The following DNAH9 variants were observed in gnomAD, a reference collection of about 807,000 sequenced individuals.
DNAH9 encodes the protein DNAH9 variant protein.
DNAH9 carries 345 observed loss-of-function variants against 471.6 expected under a neutral mutation model. That is an observed-to-expected ratio of 0.73 (90% CI 0.67 to 0.80). DNAH9 has a LOEUF of 0.80. Among genes scored for constraint, DNAH9 ranks in the 30% least tolerant of loss-of-function variants. The pLI is 0.00. For synonymous variants in DNAH9, 2,093 were observed against 2,123.6 expected, an observed-to-expected ratio of 0.99 and a Z score of 0.40; for missense variants, 5,407 against 5,609.2, an observed-to-expected ratio of 0.96 and a Z score of 1.15.
At chr17:11,851,322 T>C (rs1971415128) in intron 49 of DNAH9, among the ~76,000 whole-genome samples, 1 of 152,178 alleles carries the variant, frequency 6.6e-6, no homozygotes, top group African/African-American at 2.4e-5. Context: ...TTCACCATGT[T>C]GGCCAGGCTG....
chr17:11,654,813 G>A (rs1235008715), intron 14 of DNAH9, among the ~76,000 whole-genome samples: 1 of 151,892 alleles, frequency 6.6e-6, no homozygotes, highest in East Asian at 1.9e-4. Flanking sequence ...ATAAGAAAAC[G>A]AAGGCACAGA....
chr17:11,712,283 GAAT>G (rs2074881550), intron 26 of DNAH9, among the ~76,000 whole-genome samples: 1 of 149,522 alleles, frequency 6.7e-6, no homozygotes, highest in African/African-American at 2.5e-5. Flanking sequence ...TTTAATTTCT[GAAT>G]AATATTCAAT....
At chr17:11,940,541 C>T (rs1974872029) in intron 66 of DNAH9, among the ~76,000 whole-genome samples, 2 of 152,150 alleles carry the variant, frequency 1.3e-5, no homozygotes, top group Admixed American at 1.3e-4. Context: ...AATCCGATTC[C>T]AGTTTTTGCT....
At position 11,958,907 on chromosome 17, in the gene DNAH9, A is replaced by G. The variant is rs1472440568; in HGVS notation, c.12844-2960A>G. ...AAATGTTAACAAATCAAATCACACAATATAAGAATAAGATAATATATCATG... is the reference window on the plus strand; with the variant it reads ...AAATGTTAACAAATCAAATCACACAGTATAAGAATAAGATAATATATCATG... On this transcript the variant is annotated intron_variant, in intron 67 of 68. Coordinates refer to ENST00000262442, the MANE Select transcript of DNAH9 (RefSeq NM_001372.4). 3.9e-5 allele frequency among the ~76,000 whole-genome samples: 6 copies of G among 152,302 alleles called. No homozygotes were observed. In the East Asian group the frequency reaches 7.7e-4, roughly 20 times the overall value.
chr17:11,727,067 A>C (rs983219881), intron 27 of DNAH9, among the ~76,000 whole-genome samples: 1 of 149,770 alleles, frequency 6.7e-6, no homozygotes, highest in Non-Finnish European at 1.5e-5. Context: ...AAAAAAAAAA[A>C]AAAAAAAAAA....
chr17:11,925,294 C>T (rs558327734), intron 62 of DNAH9: 29 of 431,194 alleles, frequency 6.7e-5, no homozygotes, highest in South Asian at 4.2e-4. Context: ...AAGCCAGTCA[C>T]TCCCATTCTT....
intron 43 of DNAH9, among the ~76,000 whole-genome samples, chr17:11,800,734 T>C (rs1313201670): frequency 6.6e-6 from 1 of 152,194 alleles, no homozygotes; most frequent in African/African-American, 2.4e-5. Flanking sequence ...CTATATTACA[T>C]GACGCCCCTG....
rs372181005 is a variant in DNAH9, at chr17:11,652,521, G to A, written c.2354-240G>A. Among the ~76,000 whole-genome samples the A allele has an allele frequency of 4.6e-3, 705 of 151,732 alleles. 6 individuals carry two copies. Among genetic ancestry groups the A allele is most frequent in the African/African-American group, 0.015 (640 of 41,348 alleles). On this transcript the variant is annotated intron_variant, in intron 13 of 68. Coordinates refer to ENST00000262442, the MANE Select transcript of DNAH9 (RefSeq NM_001372.4). ...AGGATGGTCTCGATCTCCTGACCTC[G>A]TGATCCGCCCACCTCGGCCTCCCAA... is the stretch of plus-strand genomic sequence containing the variant.
chr17:11,790,474 T>C (rs1328929814), intron 41 of DNAH9, among the ~76,000 whole-genome samples: 1 of 152,060 alleles, frequency 6.6e-6, no homozygotes, highest in Non-Finnish European at 1.5e-5. Flanking sequence ...TGTATGACAT[T>C]AGTATGTATG....
At chr17:11,615,757 T>C (rs750187904) in intron 4 of DNAH9, among the ~76,000 whole-genome samples, 6 of 152,216 alleles carry the variant, frequency 3.9e-5, no homozygotes, top group Non-Finnish European at 8.8e-5. Context: ...AGATTGTGAT[T>C]TTTAAAAAGA....
Position 11,880,197 on chromosome 17 carries a change from G to A in DNAH9, c.10598G>A (p.Gly3533Glu), listed in dbSNP as rs1972664013. The A allele has an allele frequency of 6.2e-7, 1 of 1,613,100 alleles. No homozygotes were observed. The highest frequency in any genetic ancestry group is 1.7e-5 in the Admixed American group (1 of 59,988). Residue 3533 changes from glycine to glutamate, a missense_variant, in exon 54 of 69, where the codon GGA becomes GAA. By Grantham distance (98) the Gly-to-Glu change is moderately conservative (BLOSUM62 -2). This residue lies in a region of DNAH9 where 4,636 missense variants were observed against 4,900.3 expected (regional missense o/e 0.95). Coordinates refer to ENST00000262442, the MANE Select transcript of DNAH9 (RefSeq NM_001372.4). ...CTTGGGAGAGAAGTCATTAAAAAAG[G>A]ACGGTAAGACTCAGCTGTGTTGCTG... Reference protein sequence around the residue: ...PLLGREVIKKGRFIKIGDKEC... With the variant: ...PLLGREVIKKERFIKIGDKEC...
intron 67 of DNAH9, among the ~76,000 whole-genome samples, chr17:11,948,551 T>C (rs1975234673): frequency 6.6e-6 from 1 of 152,112 alleles, no homozygotes; most frequent in African/African-American, 2.4e-5. Flanking sequence ...TTTATTCTGA[T>C]GCACTGTGTG....
At chr17:11,770,270 T>C (rs57868673) in intron 38 of DNAH9, among the ~76,000 whole-genome samples, 31,212 of 152,200 alleles carry the variant, frequency 0.21, 4,545 homozygotes, top group African/African-American at 0.41. Flanking sequence ...CCACTTGCTC[T>C]GCCATGACCA....
chr17:11,832,544 A>G (rs1471104867), intron 48 of DNAH9, among the ~76,000 whole-genome samples: 1 of 152,248 alleles, frequency 6.6e-6, no homozygotes, highest in Non-Finnish European at 1.5e-5. Flanking sequence ...AATGTAAGAC[A>G]AGTTCTAGGG....
rs2075283263 is a variant in DNAH9, at chr17:11,732,369, AC to A, written c.5814+4450del. Among the ~76,000 whole-genome samples, 3 of 152,062 alleles carry A rather than the reference AC, an allele frequency of 2.0e-5. No homozygotes were observed. In the South Asian group the frequency reaches 6.2e-4, roughly 32 times the overall value. On this transcript the variant is annotated intron_variant, in intron 28 of 68. Coordinates refer to ENST00000262442, the MANE Select transcript of DNAH9 (RefSeq NM_001372.4). Reference sequence around the variant, plus strand: ...GAGCGGGTAACATTTGAAATCGAATACCCATCCAAGGAGAAAATTGCACCTA... The same window carrying A: ...GAGCGGGTAACATTTGAAATCGAATACCATCCAAGGAGAAAATTGCACCTA...
chr17:11,877,160 TTAA>T (rs760053841), intron 53 of DNAH9, among the ~76,000 whole-genome samples: 7 of 151,676 alleles, frequency 4.6e-5, no homozygotes, highest in East Asian at 1.9e-4. Context: ...AATATATTAA[TTAA>T]TAAATATGTT....
chr17:11,849,116 G>A (rs973472200), intron 49 of DNAH9, among the ~76,000 whole-genome samples: 8 of 152,266 alleles, frequency 5.3e-5, no homozygotes, highest in Admixed American at 2.0e-4. Context: ...CATTACAAGC[G>A]TGAGCCACCG....
intron 62 of DNAH9, among the ~76,000 whole-genome samples, chr17:11,926,657 T>C (rs548843644): frequency 7.2e-5 from 11 of 152,238 alleles, no homozygotes; most frequent in Non-Finnish European, 1.3e-4. Flanking sequence ...TAGTCTATCA[T>C]TGATGAGCAG....
chr17:11,727,211 A>C (rs2075169542), intron 27 of DNAH9, among the ~76,000 whole-genome samples: 2 of 152,278 alleles, frequency 1.3e-5, no homozygotes, highest in African/African-American at 4.8e-5. Flanking sequence ...TTACCAGTTC[A>C]TATTGAATGC....
Sources: allele counts gnomAD v4.1 joint callset (sites outside exome capture counted in the v4.1 genomes callset), GRCh38; gene constraint gnomAD v4.1.1; regional missense constraint gnomAD v4.1.1; transcripts MANE v1.5; gene names NCBI Gene and HGNC (gene_info 2026-07-23, HGNC 2026-07-21).